The following ATG4C variants were observed in gnomAD, a reference collection of about 807,000 sequenced individuals.
The protein encoded by ATG4C is autophagy related 4C cysteine peptidase.
Under a neutral mutation model 57.6 loss-of-function variants are expected in ATG4C, and 56 were observed. The observed-to-expected ratio is 0.97, with a 90% CI of 0.78 to 1.21. The LOEUF is 1.21. Ranked by LOEUF, ATG4C falls within the 50% of genes most tolerant of loss-of-function variation. ATG4C has a pLI of 0.00. For missense variants in ATG4C, 595 were observed against 529.8 expected (o/e 1.12, Z -1.21); for synonymous variants, 157 against 174.1 (o/e 0.90, Z 0.78).
chr1:62,849,796 C>G (rs1320284929), intron 10 of ATG4C, among the ~76,000 whole-genome samples: 1 of 151,904 alleles, frequency 6.6e-6, no homozygotes, highest in South Asian at 2.1e-4. Flanking sequence ...CAGGCGTGAG[C>G]CACTACACCT....
At chr1:62,816,233 G>A (rs1362643780) in intron 3 of ATG4C, among the ~76,000 whole-genome samples, 1 of 151,976 alleles carries the variant, frequency 6.6e-6, no homozygotes, top group Non-Finnish European at 1.5e-5. Context: ...TTTGTTTCCA[G>A]TGAGAAATCT....
At chr1:62,808,448 T>C (rs1205813168) in intron 3 of ATG4C, among the ~76,000 whole-genome samples, 1 of 152,026 alleles carries the variant, frequency 6.6e-6, no homozygotes, top group Non-Finnish European at 1.5e-5. Context: ...TTTTTTTTTT[T>C]CCAGCAAGGT....
chr1:62,826,237 CTA>C (rs1291193074), intron 6 of ATG4C, among the ~76,000 whole-genome samples: 1 of 31,548 alleles, frequency 3.2e-5, no homozygotes, highest in Non-Finnish European at 6.3e-5. Context: ...TGACCATTCC[CTA>C]TTTTTTTTTT....
chr1:62,856,473 TAC>T, intron 10 of ATG4C, among the ~76,000 whole-genome samples: 1 of 152,330 alleles, frequency 6.6e-6, no homozygotes, highest in South Asian at 2.1e-4. Flanking sequence ...CTAAGTACTT[TAC>T]ATATATTAGC....
chr1:62,802,394 A>G (rs1230132031), intron 1 of ATG4C, among the ~76,000 whole-genome samples: 3 of 151,908 alleles, frequency 2.0e-5, no homozygotes, highest in African/African-American at 4.8e-5. Flanking sequence ...GGAAATGCTC[A>G]TTGGAGCATT....
intron 9 of ATG4C, chr1:62,835,338 A>T: frequency 6.4e-6 from 2 of 311,884 alleles, no homozygotes; most frequent in South Asian, 2.9e-5. Context: ...TGGGTTTCTA[A>T]TTTTTTTTGA....
In ATG4C at chr1:62,819,064, C is replaced by T. The variant is rs1268648282; in HGVS notation, c.454C>T (p.His152Tyr). ...TTCAGACTCTGAATCATGGACTTCC[C>T]ACACTGTCAAAAAATTTACTGCATC... is the stretch of plus-strand genomic sequence containing the variant. Reference protein sequence around the residue: ...ENSDSESWTSHTVKKFTASFE... With the variant: ...ENSDSESWTSYTVKKFTASFE... The change falls in exon 5 of 11, where the codon CAC becomes TAC. Residue 152 changes from histidine (H) to tyrosine (Y), a missense_variant. By Grantham distance (83) the His-to-Tyr change is moderately conservative (BLOSUM62 2). Transcript: ENST00000317868. 2 of 1,604,936 alleles carry T rather than the reference C, an allele frequency of 1.2e-6. No individual in the cohort carries two copies. Among genetic ancestry groups the T allele is most frequent in the Admixed American group, 3.4e-5 (2 of 59,204 alleles).
chr1:62,799,929 C>T (rs1664601126), intron 1 of ATG4C, among the ~76,000 whole-genome samples: 1 of 151,580 alleles, frequency 6.6e-6, no homozygotes, highest in Admixed American at 6.6e-5. Flanking sequence ...TTCTCATTAC[C>T]CTTCCTAGCC....
Position 62,834,065 on chromosome 1 carries a change from G to T in ATG4C, c.961G>T (p.Gly321Cys). Residue 321 changes from glycine (G) to cysteine (C), a missense_variant, in exon 8 of 11, where the codon GGT (glycine) becomes TGT (cysteine). Coordinates refer to ENST00000317868, the MANE Select transcript of ATG4C (RefSeq NM_032852.4). ...KGILSLEYCVGIIGGKPKQSY... is the reference protein window; with the variant it reads ...KGILSLEYCVCIIGGKPKQSY... ...TATTTTAAGCCTGGAATATTGTGTG[G>T]GTATTATTGGTGGCAAACCTAAACA... is the stretch of plus-strand genomic sequence containing the variant. The T allele has an allele frequency of 6.2e-7, 1 of 1,611,900 alleles. No homozygotes were observed. Among genetic ancestry groups the T allele is most frequent in the African/African-American group, 1.3e-5 (1 of 74,884 alleles).
chr1:62,839,908 G>GA (rs144598012), intron 9 of ATG4C, among the ~76,000 whole-genome samples: 19,201 of 151,616 alleles, frequency 0.13, 1,377 homozygotes, highest in Admixed American at 0.18. Context: ...CTTTTCATTG[G>GA]AAAAAAAAGC....
At chr1:62,825,234 T>TAA (rs71045856) in intron 6 of ATG4C, among the ~76,000 whole-genome samples, 3 of 127,020 alleles carry the variant, frequency 2.4e-5, no homozygotes, top group African/African-American at 9.1e-5. Context: ...AGACTCCGTC[T>TAA]AAAAAAAAAA....
At chr1:62,844,613 A>G (rs1042836022) in intron 10 of ATG4C, among the ~76,000 whole-genome samples, 1 of 152,110 alleles carries the variant, frequency 6.6e-6, no homozygotes, top group Admixed American at 6.5e-5. Flanking sequence ...AGAAATATAG[A>G]GAATAATATA....
intron 1 of ATG4C, among the ~76,000 whole-genome samples, chr1:62,799,659 A>T (rs552366811): frequency 6.6e-6 from 1 of 152,228 alleles, no homozygotes; most frequent in East Asian, 1.9e-4. Flanking sequence ...AGGTGTATAT[A>T]TTTATGGGGT....
Position 62,829,053 on chromosome 1 carries a change from T to C in ATG4C, c.810T>C (p.Asp270=). The change falls in exon 7 of 11, where the codon GAT becomes GAC. Residue 270 remains aspartate, a synonymous_variant. Coordinates refer to ENST00000317868, the MANE Select transcript of ATG4C (RefSeq NM_032852.4). ...TGTTTTTCTCAGTTTACAATTCTGA[T>C]GTAATTGATAAACAGAGTGCTTCCA... ...VAQDCTVYNS[D]VIDKQSASMT... is the part of the protein sequence containing the mutation. The C allele has an allele frequency of 6.2e-7, 1 of 1,609,864 alleles. No homozygotes were observed. The highest frequency in any genetic ancestry group is 8.5e-7 in the Non-Finnish European group (1 of 1,177,808).
chr1:62,839,747 A>G (rs1666109881), intron 9 of ATG4C, among the ~76,000 whole-genome samples: 1 of 152,222 alleles, frequency 6.6e-6, no homozygotes, highest in Admixed American at 6.5e-5. Flanking sequence ...TGTATTGACT[A>G]GTGCCATGGA....
intron 1 of ATG4C, among the ~76,000 whole-genome samples, chr1:62,801,292 A>G (rs890885896): frequency 6.6e-6 from 1 of 152,206 alleles, no homozygotes; most frequent in Non-Finnish European, 1.5e-5. Context: ...GCAGTTCTCA[A>G]ATTAATATGC....
intron 10 of ATG4C, among the ~76,000 whole-genome samples, chr1:62,857,910 A>G (rs902549037): frequency 6.6e-6 from 1 of 152,186 alleles, no homozygotes; most frequent in Non-Finnish European, 1.5e-5. Flanking sequence ...TAAGTGAAAT[A>G]TAAGTGGGTG....
At chr1:62,810,500 G>T (rs1457942255) in intron 3 of ATG4C, among the ~76,000 whole-genome samples, 1 of 152,048 alleles carries the variant, frequency 6.6e-6, no homozygotes, top group Non-Finnish European at 1.5e-5. Context: ...CACATTTACT[G>T]TATGTTGGTT....
rs536936359 is a variant in ATG4C at position 62,865,438 on chromosome 1, C to T, written c.*1279C>T. On this transcript the variant is annotated 3_prime_UTR_variant, in exon 11 of 11. Coordinates refer to ENST00000317868, the MANE Select transcript of ATG4C (RefSeq NM_032852.4). ...AGGGTGGGCGGATTGTTTTAGTATA[C>T]CTGATGAGAAAAATCAGGTTTGACA... 5 of 151,718 alleles carry T rather than the reference C, an allele frequency of 3.3e-5. No individual in the cohort carries two copies. The highest frequency in any genetic ancestry group is 1.2e-4 in the African/African-American group (5 of 41,358). The allele number at this position is 151,718 out of a possible 1,614,324, so 9.4% of individuals were successfully genotyped here.
Sources: allele counts gnomAD v4.1 joint callset (sites outside exome capture counted in the v4.1 genomes callset), GRCh38; gene constraint gnomAD v4.1.1; transcripts MANE v1.5; gene names NCBI Gene and HGNC (gene_info 2026-07-23, HGNC 2026-07-21).